Variants in NAV2 observed in about 807,000 individuals in gnomAD.
NAV2 encodes the protein helicase, APC down-regulated 1.
A neutral mutation model predicts 223.2 loss-of-function variants in NAV2; 54 were observed. The observed-to-expected ratio is 0.24, with a 90% CI of 0.19 to 0.30. The LOEUF (loss-of-function observed/expected upper bound fraction) is 0.30. Among genes scored for constraint, NAV2 ranks in the 10% least tolerant of loss-of-function variants. The pLI, the probability that NAV2 is intolerant of heterozygous loss-of-function variation, is 1.00. For missense variants in NAV2, 2,806 were observed against 3,147.5 expected, an observed-to-expected ratio of 0.89 and a Z score of 2.60; for synonymous variants, 1,279 against 1,239.3, an observed-to-expected ratio of 1.03 and a Z score of -0.67.
At chr11:19,526,104 T>C (rs2043835324) in intron 1 of NAV2, among the ~76,000 whole-genome samples, 2 of 152,138 alleles carry the variant, frequency 1.3e-5, no homozygotes, top group African/African-American at 4.8e-5. Flanking sequence ...ACTGCCACAG[T>C]GTCACGAAGG....
At chr11:19,657,595 G>A (rs949687297) in intron 1 of NAV2, among the ~76,000 whole-genome samples, 1 of 152,152 alleles carries the variant, frequency 6.6e-6, no homozygotes, top group Non-Finnish European at 1.5e-5. Flanking sequence ...CTCCTTCTCT[G>A]TATTCTGAGA....
upstream of NAV2, among the ~76,000 whole-genome samples, chr11:19,709,317 C>T (rs981185373): frequency 2.3e-4 from 35 of 151,760 alleles, no homozygotes; most frequent in East Asian, 7.8e-4. Flanking sequence ...CCAAGGCGGG[C>T]GAATCACGAG....
intron 1 of NAV2, among the ~76,000 whole-genome samples, chr11:19,811,687 C>A (rs938045653): frequency 6.6e-6 from 1 of 152,152 alleles, no homozygotes; most frequent in Non-Finnish European, 1.5e-5. Flanking sequence ...GAAAGCTTTC[C>A]ACTGGCCACC....
chr11:19,665,300 A>G (rs931153407), intron 1 of NAV2, among the ~76,000 whole-genome samples: 1 of 152,176 alleles, frequency 6.6e-6, no homozygotes, highest in African/African-American at 2.4e-5. Context: ...TTTTACTCCC[A>G]CAGTTCTCTG....
chr11:19,967,339 A>G (rs1033885265), intron 10 of NAV2, among the ~76,000 whole-genome samples: 6 of 152,130 alleles, frequency 3.9e-5, no homozygotes, highest in Non-Finnish European at 8.8e-5. Context: ...TGCTAGCTAG[A>G]CAATATCAAG....
chr11:20,040,785 C>T (rs1357466660), intron 12 of NAV2, among the ~76,000 whole-genome samples: 3 of 152,212 alleles, frequency 2.0e-5, no homozygotes, highest in African/African-American at 7.2e-5. Context: ...TAGAACTCTT[C>T]GTACGTCCCC....
chr11:19,346,936 T>A (rs575688609), upstream of NAV2, among the ~76,000 whole-genome samples: 7 of 152,338 alleles, frequency 4.6e-5, 1 homozygote, highest in Admixed American at 4.6e-4. Context: ...TGATAAGTGT[T>A]AATTAGACCA....
intron 1 of NAV2, among the ~76,000 whole-genome samples, chr11:19,566,563 C>T (rs76887646): frequency 2.0e-5 from 3 of 152,214 alleles, no homozygotes; most frequent in Non-Finnish European, 2.9e-5. Flanking sequence ...GTCATTTTGG[C>T]AGCCACCCCT....
At chr11:19,539,076 C>T (rs888997889) in intron 1 of NAV2, among the ~76,000 whole-genome samples, 1 of 152,162 alleles carries the variant, frequency 6.6e-6, no homozygotes, top group Admixed American at 6.5e-5. Context: ...TCATCCCTCT[C>T]CCCTTCCCCT....
At chr11:19,633,577 C>T (rs919567052) in intron 1 of NAV2, among the ~76,000 whole-genome samples, 2 of 152,256 alleles carry the variant, frequency 1.3e-5, no homozygotes, top group African/African-American at 2.4e-5. Flanking sequence ...CTGGGGCAGC[C>T]GGCAAATCAG....
chr11:19,756,651 T>G (rs937794387), intron 1 of NAV2, among the ~76,000 whole-genome samples: 9 of 152,190 alleles, frequency 5.9e-5, no homozygotes, highest in African/African-American at 1.9e-4. Context: ...GGCAGCCTTT[T>G]CTTCTTTTTG....
intron 1 of NAV2, among the ~76,000 whole-genome samples, chr11:19,471,198 A>T (rs556820169): frequency 6.6e-6 from 1 of 152,184 alleles, no homozygotes; most frequent in East Asian, 1.9e-4. Context: ...TAAGGTAGGG[A>T]TGGGGATCCA....
chr11:19,538,461 C>T (rs1249791830), intron 1 of NAV2, among the ~76,000 whole-genome samples: 2 of 152,106 alleles, frequency 1.3e-5, no homozygotes, highest in African/African-American at 4.8e-5. Context: ...CTACCTCAGC[C>T]TCCCGTGTAG....
At chr11:19,880,939 A>G (rs1247601293) in intron 5 of NAV2, among the ~76,000 whole-genome samples, 1 of 152,224 alleles carries the variant, frequency 6.6e-6, no homozygotes, top group African/African-American at 2.4e-5. Context: ...AAGCCACAAG[A>G]CTTCAGCTAT....
At chr11:19,843,024 C>G in intron 3 of NAV2, 101 bp downstream of exon 3, 1 of 943,272 alleles carries the variant, frequency 1.1e-6, no homozygotes, top group Non-Finnish European at 1.7e-6. Context: ...ATGCTTTACT[C>G]CAGGGGATTA....
intron 2 of NAV2, among the ~76,000 whole-genome samples, chr11:19,836,184 C>T (rs74358084): frequency 0.011 from 1,720 of 152,304 alleles, 26 homozygotes; most frequent in African/African-American, 0.039. Flanking sequence ...AAACATTCCT[C>T]TAAATTGTAT....
In NAV2 at chr11:19,614,443, G is replaced by T. The variant is rs560594614; in HGVS notation, c.76-218041G>T. ...TTAATAAATTTTATTGTATAGAGTA[G>T]TTTTAGGTTTACAGCAAAATTGAGC... On this transcript the variant is annotated intron_variant, in intron 1 of 37. Coordinates refer to the NAV2 transcript ENST00000360655. 3.1e-4 allele frequency among the ~76,000 whole-genome samples: 47 copies of T among 152,098 alleles called. No homozygotes were observed. In the East Asian group the frequency reaches 8.1e-3, roughly 26 times the overall value.
chr11:19,809,118 G>A (rs960310612), intron 1 of NAV2, among the ~76,000 whole-genome samples: 1 of 152,202 alleles, frequency 6.6e-6, no homozygotes, highest in African/African-American at 2.4e-5. Context: ...GTTTTGAATG[G>A]CTTCTTTTTT....
intron 1 of NAV2, among the ~76,000 whole-genome samples, chr11:19,500,885 C>T (rs960001132): frequency 3.3e-5 from 5 of 152,164 alleles, no homozygotes; most frequent in Non-Finnish European, 5.9e-5. Flanking sequence ...TAAATTACTA[C>T]AAACATAGTG....
Sources: allele counts gnomAD v4.1 joint callset (sites outside exome capture counted in the v4.1 genomes callset), GRCh38; gene constraint gnomAD v4.1.1; transcripts MANE v1.5; gene names NCBI Gene and HGNC (gene_info 2026-07-23, HGNC 2026-07-21).